The following AIG1 variants were observed in gnomAD, a reference collection of about 807,000 sequenced individuals.
AIG1 encodes androgen induced 1, also known as androgen-induced gene 1 protein.
In AIG1, 23 loss-of-function variants were observed where a neutral mutation model predicts 31.4. The observed-to-expected ratio is 0.73, with a 90% confidence interval of 0.53 to 1.04. AIG1 has a LOEUF of 1.04. Among genes scored for constraint, AIG1 ranks in the 50% least tolerant of loss-of-function variants. The pLI, the probability that AIG1 is intolerant of heterozygous loss-of-function variation, is 0.00. For missense variants in AIG1, 274 were observed against 295.0 expected, an observed-to-expected ratio of 0.93 and a Z score of 0.52; for synonymous variants, 100 against 110.5, an observed-to-expected ratio of 0.90 and a Z score of 0.60.
intron 3 of AIG1, among the ~76,000 whole-genome samples, chr6:143,175,228 T>C (rs1256798140): frequency 6.6e-6 from 1 of 152,224 alleles, no homozygotes; most frequent in Non-Finnish European, 1.5e-5. Flanking sequence ...GCCTCACAGC[T>C]CTTAAGATTC....
At chr6:143,207,720 A>T (rs981913984) in intron 3 of AIG1, among the ~76,000 whole-genome samples, 4 of 152,212 alleles carry the variant, frequency 2.6e-5, no homozygotes, top group African/African-American at 9.6e-5. Flanking sequence ...AAATGGTAGT[A>T]GAATATAAAA....
intron 1 of AIG1, among the ~76,000 whole-genome samples, chr6:143,097,307 C>A (rs1041055511): frequency 6.6e-6 from 1 of 152,060 alleles, no homozygotes; most frequent in African/African-American, 2.4e-5. Flanking sequence ...CTTTCCCAAT[C>A]CTATACCCCC....
At chr6:143,081,723 A>C (rs1045271874) in intron 1 of AIG1, among the ~76,000 whole-genome samples, 2 of 152,064 alleles carry the variant, frequency 1.3e-5, no homozygotes, top group Non-Finnish European at 2.9e-5. Flanking sequence ...AGTAATTTCC[A>C]TTGGTTAGCT....
chr6:143,141,175 C>T (rs1453524375), intron 2 of AIG1, among the ~76,000 whole-genome samples: 1 of 152,202 alleles, frequency 6.6e-6, no homozygotes, highest in Non-Finnish European at 1.5e-5. Context: ...CACAAGTTTT[C>T]CTGAAGAGAC....
chr6:143,152,349 T>A (rs1785317164), intron 2 of AIG1, among the ~76,000 whole-genome samples: 2 of 152,334 alleles, frequency 1.3e-5, no homozygotes, highest in South Asian at 4.1e-4. Flanking sequence ...TAATGTAATT[T>A]TATCGAATAA....
At chr6:143,342,777 T>G (rs184132782), downstream of AIG1, 23 of 809,192 alleles carry the variant, frequency 2.8e-5, no homozygotes, top group Non-Finnish European at 4.7e-5. Flanking sequence ...CAAACGTCCT[T>G]GTATTCTGTT....
intron 2 of AIG1, among the ~76,000 whole-genome samples, chr6:143,150,799 G>A (rs182661731): frequency 8.7e-4 from 132 of 152,244 alleles, no homozygotes; most frequent in African/African-American, 2.3e-3. Flanking sequence ...ACAGATCAGC[G>A]TCAAAGCAGA....
chr6:143,165,947 T>C (rs374912610), intron 3 of AIG1, among the ~76,000 whole-genome samples: 53 of 152,334 alleles, frequency 3.5e-4, no homozygotes, highest in African/African-American at 1.2e-3. Flanking sequence ...CTAAGAAGCA[T>C]GCATTTTGGT....
At chr6:143,079,734 A>C (rs1778042450) in intron 1 of AIG1, among the ~76,000 whole-genome samples, 1 of 151,546 alleles carries the variant, frequency 6.6e-6, no homozygotes, top group Non-Finnish European at 1.5e-5. Flanking sequence ...ATATGAATAA[A>C]TAAATCTTTA....
At chr6:143,260,349 C>G (rs1033164692) in intron 3 of AIG1, among the ~76,000 whole-genome samples, 57 of 152,336 alleles carry the variant, frequency 3.7e-4, no homozygotes, top group African/African-American at 1.4e-3. Context: ...ACACCTCCCC[C>G]TATCCCATCC....
chr6:143,121,859 C>G (rs926774070), intron 1 of AIG1, among the ~76,000 whole-genome samples: 2 of 152,150 alleles, frequency 1.3e-5, no homozygotes, highest in Non-Finnish European at 2.9e-5. Context: ...TTTATGTCAA[C>G]TTGTTTTTCC....
chr6:143,122,380 T>C (rs1782313354), intron 1 of AIG1, among the ~76,000 whole-genome samples: 2 of 152,270 alleles, frequency 1.3e-5, no homozygotes, highest in East Asian at 3.9e-4. Context: ...TTTAAACATA[T>C]ACTTTGTATG....
chr6:143,092,204 A>C (rs992608498), intron 1 of AIG1, among the ~76,000 whole-genome samples: 10 of 152,196 alleles, frequency 6.6e-5, no homozygotes, highest in Middle Eastern at 3.4e-3. Flanking sequence ...TCCTGGGCTC[A>C]AGAGATCCTC....
At chr6:143,188,100 C>A in intron 3 of AIG1, 1 of 1,005,126 alleles carries the variant, frequency 9.9e-7, no homozygotes, top group East Asian at 9.9e-5. Flanking sequence ...AATGGAGAGA[C>A]GGGAGTTTAA....
intron 3 of AIG1, among the ~76,000 whole-genome samples, chr6:143,262,773 A>G (rs1386229633): frequency 6.6e-6 from 1 of 152,176 alleles, no homozygotes; most frequent in Non-Finnish European, 1.5e-5. Flanking sequence ...AGTTTCCCAA[A>G]GGGCCAATCC....
At chr6:143,193,587 G>T (rs1789973746) in intron 3 of AIG1, among the ~76,000 whole-genome samples, 1 of 152,176 alleles carries the variant, frequency 6.6e-6, no homozygotes, top group African/African-American at 2.4e-5. Flanking sequence ...CAATTCTGAA[G>T]GACAGTTCTG....
rs1258167021 is a variant in AIG1, at chr6:143,299,789, G to T, written c.515+15564G>T. Among the ~76,000 whole-genome samples the T allele has an allele frequency of 6.6e-6, 1 of 152,166 alleles. No individual in the cohort carries two copies. Among genetic ancestry groups the T allele is most frequent in the African/African-American group, 2.4e-5 (1 of 41,428 alleles). On this transcript the variant is annotated intron_variant, in intron 4 of 5. Coordinates refer to ENST00000357847, the MANE Select transcript of AIG1 (RefSeq NM_016108.4). The surrounding 1 kb of genome is among the most constrained non-coding windows in gnomAD (Gnocchi z 4.1). Reference sequence around the variant, plus strand: ...TTCCACGAACTCACCTCTGGGATTTGCAGTGTTCTTCTCTTTGCCTAGATA... The same window carrying T: ...TTCCACGAACTCACCTCTGGGATTTTCAGTGTTCTTCTCTTTGCCTAGATA...
chr6:143,155,103 C>T (rs1785613588), intron 2 of AIG1, among the ~76,000 whole-genome samples: 1 of 151,706 alleles, frequency 6.6e-6, no homozygotes. Context: ...AAATGATCCA[C>T]CCACCTCAGC....
intron 5 of AIG1, chr6:143,335,349 T>C: frequency 3.7e-6 from 1 of 269,536 alleles, no homozygotes; most frequent in Non-Finnish European, 6.9e-6. Flanking sequence ...CTGGCCAACA[T>C]GGTGAAATCC....
Sources: allele counts gnomAD v4.1 joint callset (sites outside exome capture counted in the v4.1 genomes callset), GRCh38; gene constraint gnomAD v4.1.1; non-coding constraint Gnocchi (gnomAD v3.1); transcripts MANE v1.5; gene names NCBI Gene and HGNC (gene_info 2026-07-23, HGNC 2026-07-21).